Variants in ARHGEF18 observed in about 807,000 individuals in gnomAD.
The protein encoded by ARHGEF18 is rho guanine nucleotide exchange factor 18.
In ARHGEF18, 93 loss-of-function variants were observed where a neutral mutation model predicts 155.7. The ratio of observed to expected loss-of-function variants is 0.60; its 90% CI spans 0.50 to 0.71. The LOEUF is 0.71. ARHGEF18 is among the 30% of genes least tolerant of loss of function. The pLI is 0.00. For synonymous variants in ARHGEF18, 742 were observed against 753.1 expected, an observed-to-expected ratio of 0.99 and a Z score of 0.24; for missense variants, 1,593 against 1,816.1, an observed-to-expected ratio of 0.88 and a Z score of 2.23.
intron 10 of ARHGEF18, among the ~76,000 whole-genome samples, chr19:7,413,309 CT>C (rs955840122): frequency 3.4e-5 from 4 of 119,294 alleles, no homozygotes; most frequent in South Asian, 2.8e-4. Context: ...TTTTTTTTTT[CT>C]TTTTTTTTTG....
chr19:7,413,643 T>C (rs924321018), intron 10 of ARHGEF18, among the ~76,000 whole-genome samples: 1 of 152,172 alleles, frequency 6.6e-6, no homozygotes, highest in Non-Finnish European at 1.5e-5. Context: ...GCACTTGTAG[T>C]TCCAGCTACT....
Position 7,462,008 on chromosome 19 carries a change from C to T in ARHGEF18, c.2453-144C>T. On this transcript the variant is annotated intron_variant, in intron 20 of 28. Transcript: ENST00000668164. This position sits in a 1 kb window ranked among gnomAD's most constrained non-coding sequence, Gnocchi z 4.4. ...AGGACAAGGCCATGCCCTCCCCTAC[C>T]TCCCAGGAATGCAGGACACAAGGGG... The T allele has an allele frequency of 1.1e-6, 1 of 880,462 alleles. No homozygotes were observed. The highest frequency in any genetic ancestry group is 1.8e-6 in the Non-Finnish European group (1 of 555,650). The allele number at this position is 880,462 out of a possible 1,614,324, so 54.5% of individuals were successfully genotyped here. A position where few individuals can be genotyped will look rare whatever the true frequency, so the allele number is the denominator to read the frequency against.
chr19:7,350,767 G>GGTGT (rs71177199), intron 1 of ARHGEF18, among the ~76,000 whole-genome samples: 13 of 19,456 alleles, frequency 6.7e-4, no homozygotes, highest in Non-Finnish European at 1.7e-3. Flanking sequence ...TTTTGGGGTG[G>GGTGT]GTGTGTGTGT....
chr19:7,470,492 G>T lies in ARHGEF18; in HGVS notation c.*194G>T, dbSNP rs1816977415. The T allele has an allele frequency of 2.2e-6, 1 of 455,522 alleles. No individual in the cohort carries two copies. Among genetic ancestry groups the T allele is most frequent in the Non-Finnish European group, 3.6e-6 (1 of 279,796 alleles). 28.2% of individuals were successfully genotyped at this position (455,522 alleles called of 1,614,324 possible). ...AGCTGTTTCTGTAGGGTTAGCGGTGGTGCCGGGGTCACTTTCTGAATCTCT... is the reference window on the plus strand; with the variant it reads ...AGCTGTTTCTGTAGGGTTAGCGGTGTTGCCGGGGTCACTTTCTGAATCTCT... On this transcript the variant is annotated 3_prime_UTR_variant, in exon 29 of 29. Coordinates refer to ENST00000668164, the MANE Select transcript of ARHGEF18 (RefSeq NM_001367823.1). The surrounding 1 kb of genome is among the most constrained non-coding windows in gnomAD (Gnocchi z 5.9).
At chr19:7,354,960 A>C (rs1969247334) in intron 1 of ARHGEF18, among the ~76,000 whole-genome samples, 1 of 152,062 alleles carries the variant, frequency 6.6e-6, no homozygotes, top group Non-Finnish European at 1.5e-5. Flanking sequence ...GTAGAAACAC[A>C]GAAACCCAGG....
chr19:7,406,089 T>C (rs962499911), intron 10 of ARHGEF18, among the ~76,000 whole-genome samples: 5 of 152,100 alleles, frequency 3.3e-5, no homozygotes, highest in African/African-American at 1.2e-4. Context: ...TTTTTGTTGT[T>C]GTTGTTATTG....
intron 1 of ARHGEF18, among the ~76,000 whole-genome samples, chr19:7,362,384 C>T (rs1969669317): frequency 2.0e-5 from 3 of 151,978 alleles, no homozygotes; most frequent in African/African-American, 7.3e-5. Flanking sequence ...TGGGTACTTG[C>T]ATTTGGTCTA....
intron 10 of ARHGEF18, 159 bp downstream of exon 10, chr19:7,383,362 TGGGCACAGGGACCC>T (rs1970841610): frequency 2.7e-6 from 2 of 732,996 alleles, no homozygotes; most frequent in African/African-American, 3.7e-5. Flanking sequence ...GATCAGTCCC[TGGGCACAGGGACCC>T]TTGGGCTAAC....
intron 10 of ARHGEF18, among the ~76,000 whole-genome samples, chr19:7,430,618 C>T (rs543678382): frequency 2.9e-4 from 44 of 151,674 alleles, no homozygotes; most frequent in African/African-American, 1.1e-3. Context: ...GCCTTGGTAA[C>T]ATAGGGAGAC....
At chr19:7,442,079 C>T in intron 13 of ARHGEF18, 27 bp downstream of exon 13, 3 of 1,612,250 alleles carry the variant, frequency 1.9e-6, no homozygotes, top group Non-Finnish European at 2.5e-6. Flanking sequence ...CCTGTGCCAT[C>T]ACACCGGCCC....
chr19:7,452,628 G>A (rs1975559173), intron 16 of ARHGEF18, among the ~76,000 whole-genome samples: 1 of 151,760 alleles, frequency 6.6e-6, no homozygotes, highest in African/African-American at 2.4e-5. Context: ...ACCACGCCTG[G>A]CTAATTTTTA....
chr19:7,468,201 T>A (rs2145915157), intron 26 of ARHGEF18, among the ~76,000 whole-genome samples: 1 of 145,234 alleles, frequency 6.9e-6, no homozygotes, highest in East Asian at 2.0e-4. Flanking sequence ...ACATGAGCCG[T>A]GATCATGCCA....
chr19:7,454,762 G>A (rs1213333346), intron 17 of ARHGEF18, among the ~76,000 whole-genome samples: 1 of 152,118 alleles, frequency 6.6e-6, no homozygotes, highest in African/African-American at 2.4e-5. Flanking sequence ...CTTCCCAATG[G>A]AAACCCAGGG....
intron 10 of ARHGEF18, among the ~76,000 whole-genome samples, chr19:7,438,224 C>T (rs1337095917): frequency 6.6e-6 from 1 of 151,734 alleles, no homozygotes; most frequent in East Asian, 1.9e-4. Flanking sequence ...CCTCAGCCTC[C>T]CGAGTAGCTG....
At chr19:7,397,121 A>C (rs1045117349) in intron 10 of ARHGEF18, among the ~76,000 whole-genome samples, 1 of 149,648 alleles carries the variant, frequency 6.7e-6, no homozygotes, top group Non-Finnish European at 1.5e-5. Flanking sequence ...AAAAAAAATG[A>C]AGATGTGTTT....
intron 10 of ARHGEF18, among the ~76,000 whole-genome samples, chr19:7,418,873 T>C (rs2145662351): frequency 6.6e-6 from 1 of 152,004 alleles, no homozygotes; most frequent in Middle Eastern, 3.4e-3. Flanking sequence ...GGAGAGTCTT[T>C]CCTTTCAGAC....
chr19:7,368,807 T>C (rs1970059642), intron 2 of ARHGEF18, among the ~76,000 whole-genome samples: 1 of 151,872 alleles, frequency 6.6e-6, no homozygotes, highest in African/African-American at 2.4e-5. Flanking sequence ...AAGTGGGAAT[T>C]TGAAAGGAGG....
At chr19:7,476,753 A>C (rs1317219297), downstream of ARHGEF18, 1 of 158,820 alleles carries the variant, frequency 6.3e-6, no homozygotes, top group African/African-American at 2.4e-5. Context: ...GAGAGGACCC[A>C]CCGGGCTGAG....
rs755933626 is a variant in ARHGEF18 at position 7,462,226 on chromosome 19, G to A, written c.2527G>A (p.Glu843Lys). 8.1e-6 allele frequency: 13 copies of A among 1,613,950 alleles called. No individual in the cohort carries two copies. Among genetic ancestry groups the A allele is most frequent in the South Asian group, 2.2e-5 (2 of 91,088 alleles). The change falls in exon 21 of 29, where the codon GAG becomes AAG. Residue 843 changes from glutamate (E) to lysine (K), a missense_variant. Coordinates refer to ENST00000668164, the MANE Select transcript of ARHGEF18 (RefSeq NM_001367823.1). The surrounding 1 kb of genome is among the most constrained non-coding windows in gnomAD (Gnocchi z 4.4). Reference sequence around the variant, plus strand: ...ACAGCAGATCTACCTGGAGATGGCCGAGATGGGCGGCCTCGAAGACCTGCC... The same window carrying A: ...ACAGCAGATCTACCTGGAGATGGCCAAGATGGGCGGCCTCGAAGACCTGCC... ...EKQQIYLEMA[E>K]MGGLEDLPQP...
Sources: allele counts gnomAD v4.1 joint callset (sites outside exome capture counted in the v4.1 genomes callset), GRCh38; gene constraint gnomAD v4.1.1; non-coding constraint Gnocchi (gnomAD v3.1); transcripts MANE v1.5; gene names NCBI Gene and HGNC (gene_info 2026-07-23, HGNC 2026-07-21).